MEIS3: variants seen among roughly 807,000 people sequenced by gnomAD.
The protein encoded by MEIS3 is homeobox protein Meis3.
In MEIS3, 38 loss-of-function variants were observed where a neutral mutation model predicts 51.4. The observed-to-expected ratio is 0.74, with a 90% CI of 0.57 to 0.97. The LOEUF (loss-of-function observed/expected upper bound fraction) is 0.97. Ranked by LOEUF, MEIS3 falls within the 50% of genes least tolerant of loss-of-function variation. The pLI is 0.00. For missense variants in MEIS3, 456 were observed against 502.6 expected, an observed-to-expected ratio of 0.91 and a Z score of 0.89; for synonymous variants, 198 against 201.8, an observed-to-expected ratio of 0.98 and a Z score of 0.16.
At position 47,416,698 on chromosome 19, in the gene MEIS3, C is replaced by T. The variant is rs201276434; in HGVS notation, c.350G>A (p.Arg117His). The T allele has an allele frequency of 9.5e-6, 15 of 1,579,008 alleles. No individual in the cohort carries two copies. Among genetic ancestry groups the T allele is most frequent in the African/African-American group, 5.4e-5 (4 of 74,068 alleles). Reference sequence around the variant, plus strand: ...GGAGGAGAAGAGGGGCCTCTCAGAGCGAACCTGGGAGGGAAGAGAGAGGCC... The same window carrying T: ...GGAGGAGAAGAGGGGCCTCTCAGAGTGAACCTGGGAGGGAAGAGAGAGGCC... ...EDIAAFAKQVRSERPLFSSNP... is the reference protein window; with the variant it reads ...EDIAAFAKQVHSERPLFSSNP... Residue 117 changes from arginine (R) to histidine (H), a missense_variant, in exon 4 of 13, where the codon CGC becomes CAC. Coordinates refer to ENST00000558555, the MANE Select transcript of MEIS3 (RefSeq NM_001301059.2).
At chr19:47,420,524 A>AGAGAGAGAGAAAGACGCGGGTGGGAG (rs1555744458), upstream of MEIS3, among the ~76,000 whole-genome samples, 1 of 81,342 alleles carries the variant, frequency 1.2e-5, no homozygotes, top group African/African-American at 7.3e-5. Flanking sequence ...TGTGATTCAG[A>AGAGAGAGAGAAAGACGCGGGTGGGAG]GAGAGAGAGA....
At chr19:47,411,029 C>T (rs369346808) in intron 6 of MEIS3, among the ~76,000 whole-genome samples, 49 of 152,102 alleles carry the variant, frequency 3.2e-4, no homozygotes, top group African/African-American at 1.2e-3. Flanking sequence ...CTCTGCCTCC[C>T]AGGTTCACGT....
At chr19:47,417,802 A>G in intron 1 of MEIS3, 2 of 627,992 alleles carry the variant, frequency 3.2e-6, no homozygotes, top group Non-Finnish European at 2.9e-6. Flanking sequence ...AGCGCATCAG[A>G]GTAAGTCTCA....
chr19:47,415,142 T>C (rs1022148186), intron 4 of MEIS3, 41 bp from the exon 5 acceptor site: 3 of 371,730 alleles, frequency 8.1e-6, no homozygotes, highest in Non-Finnish European at 1.3e-5. Context: ...CAGAGGGAAT[T>C]GGGGGAGGGA....
chr19:47,420,265 C>T (rs1477757249), upstream of MEIS3, among the ~76,000 whole-genome samples: 3 of 152,228 alleles, frequency 2.0e-5, no homozygotes, highest in Non-Finnish European at 4.4e-5. Context: ...ACCCCCACCT[C>T]ACCCTCAGCC....
chr19:47,417,229 G>C lies in MEIS3; in HGVS notation c.134C>G (p.Pro45Arg), dbSNP rs1257197294. The stretch of plus-strand genomic sequence containing the variant: ...CAGGCCGTCGCTGTCCAAGCCTGGG[G>C]GCAGGGGCTGGGGAGGCCGGTGCGG... ...YGPHRPPQPL[P>R]PGLDSDGLKR... The change falls in exon 2 of 13, where the codon CCC (proline) becomes CGC (arginine). Residue 45 changes from proline to arginine, a missense_variant. Transcript: ENST00000558555. 6.3e-7 allele frequency: 1 copy of C among 1,592,320 alleles called. No homozygotes were observed. The highest frequency in any genetic ancestry group is 1.4e-5 in the African/African-American group (1 of 73,996).
chr19:47,409,588 G>A (rs774805435), intron 6 of MEIS3, 41 bp from the exon 7 acceptor site: 8 of 1,465,692 alleles, frequency 5.5e-6, no homozygotes, highest in East Asian at 2.3e-5. Flanking sequence ...AGGCGGCCGG[G>A]CGCAGTGGCT....
At chr19:47,419,865 G>A (rs1971642390), upstream of MEIS3, among the ~76,000 whole-genome samples, 1 of 151,998 alleles carries the variant, frequency 6.6e-6, no homozygotes, top group African/African-American at 2.4e-5. Context: ...GACACACCAC[G>A]GACCCCCTCC....
At chr19:47,414,644 A>G (rs1194581637) in intron 6 of MEIS3, 73 bp downstream of exon 6, 12 of 1,507,492 alleles carry the variant, frequency 8.0e-6, no homozygotes, top group South Asian at 2.5e-5. Flanking sequence ...TGTGTAGTGC[A>G]CATGCGCCCT....
At chr19:47,419,709 A>T (rs1438787375), upstream of MEIS3, among the ~76,000 whole-genome samples, 4 of 150,710 alleles carry the variant, frequency 2.7e-5, no homozygotes, top group Non-Finnish European at 5.9e-5. Flanking sequence ...TGGTGCCCCC[A>T]GGCCCCTCCT....
upstream of MEIS3, among the ~76,000 whole-genome samples, chr19:47,422,203 C>T (rs992017929): frequency 2.0e-5 from 3 of 152,088 alleles, no homozygotes; most frequent in Non-Finnish European, 4.4e-5. Flanking sequence ...AGCCACGGCT[C>T]AGCGGTGGCG....
intron 4 of MEIS3, among the ~76,000 whole-genome samples, chr19:47,415,556 T>C (rs142517956): frequency 1.9e-3 from 286 of 149,282 alleles, no homozygotes; most frequent in African/African-American, 6.9e-3. Flanking sequence ...CCTCCCTCCT[T>C]TCTTCTCTCT....
At chr19:47,421,894 C>G (rs1291838790), upstream of MEIS3, among the ~76,000 whole-genome samples, 1 of 151,836 alleles carries the variant, frequency 6.6e-6, no homozygotes, top group East Asian at 1.9e-4. Flanking sequence ...CTCTCTCCGC[C>G]TCCCTGTCCC....
At position 47,417,191 on chromosome 19, in the gene MEIS3, C is replaced by T. The variant is rs1971472984; in HGVS notation, c.172G>A (p.Asp58Asn). Residue 58 changes from aspartate (D) to asparagine (N), a missense_variant, in exon 2 of 13, where the codon GAT becomes AAT. Transcript: ENST00000558555. ...GGCCCCACTCACCCATAGATCTCAT[C>T]CTTCTCCCTCTTCAGGCCGTCGCTG... is the stretch of plus-strand genomic sequence containing the variant. ...LDSDGLKREK[D>N]EIYGHPLFPL... is the part of the protein sequence containing the mutation. The T allele has an allele frequency of 3.2e-6, 5 of 1,555,598 alleles. No individual in the cohort carries two copies. Among genetic ancestry groups the T allele is most frequent in the African/African-American group, 2.8e-5 (2 of 72,686 alleles).
intron 5 of MEIS3, 27 bp from the exon 6 acceptor site, chr19:47,414,893 G>C (rs769467557): frequency 1.3e-4 from 208 of 1,564,178 alleles, no homozygotes; most frequent in Middle Eastern, 1.8e-4. Context: ...GTACTGGGGG[G>C]GGCCACCCAC....
intron 8 of MEIS3, chr19:47,407,676 G>A (rs1278410039): frequency 7.6e-6 from 7 of 925,478 alleles, no homozygotes; most frequent in African/African-American, 1.7e-5. Context: ...GCTCTGATTA[G>A]AGAGACTGTG....
chr19:47,417,935 G>GCA, intron 1 of MEIS3: 1 of 562,180 alleles, frequency 1.8e-6, no homozygotes. Context: ...ACACACACAT[G>GCA]CACACACACA....
chr19:47,411,628 C>G (rs1366527207), intron 6 of MEIS3, among the ~76,000 whole-genome samples: 1 of 150,972 alleles, frequency 6.6e-6, no homozygotes, highest in Non-Finnish European at 1.5e-5. Flanking sequence ...GAAACCTATA[C>G]CTCCTGGGTT....
At chr19:47,409,272 T>A (rs1165234631) in intron 7 of MEIS3, 25 bp from the exon 8 acceptor site, 3 of 1,598,852 alleles carry the variant, frequency 1.9e-6, no homozygotes, top group South Asian at 1.1e-5. Flanking sequence ...GCATGCTGTG[T>A]GTGTGGGTAG....
Sources: allele counts gnomAD v4.1 joint callset (sites outside exome capture counted in the v4.1 genomes callset), GRCh38; gene constraint gnomAD v4.1.1; transcripts MANE v1.5; gene names NCBI Gene and HGNC (gene_info 2026-07-23, HGNC 2026-07-21).